Variants in CSMD1 observed in about 807,000 individuals in gnomAD.
CSMD1 encodes CUB and sushi domain-containing protein 1.
In CSMD1, 213 loss-of-function variants were observed where a neutral mutation model predicts 417.5. The observed-to-expected ratio is 0.51, with a 90% confidence interval of 0.46 to 0.57. The LOEUF is 0.57. Among genes scored for constraint, CSMD1 ranks in the 20% least tolerant of loss-of-function variants. CSMD1 has a pLI of 0.00. For synonymous variants in CSMD1, 2,862 were observed against 1,736.8 expected (o/e 1.65, Z -16.11); for missense variants, 6,923 against 4,529.7 (o/e 1.53, Z -15.17).
chr8:4,899,671 T>A (rs1189522847), intron 1 of CSMD1, among the ~76,000 whole-genome samples: 1 of 152,214 alleles, frequency 6.6e-6, no homozygotes, highest in Non-Finnish European at 1.5e-5. Context: ...GACCATGTCT[T>A]GAACAACTCT....
intron 23 of CSMD1, among the ~76,000 whole-genome samples, chr8:3,336,543 T>C (rs1563285084): frequency 6.6e-6 from 1 of 152,244 alleles, no homozygotes; most frequent in East Asian, 1.9e-4. Context: ...AGTGTGGTGG[T>C]TGGGATTGAA....
intron 1 of CSMD1, among the ~76,000 whole-genome samples, chr8:4,887,426 C>T (rs1442848193): frequency 2.0e-5 from 3 of 151,790 alleles, no homozygotes; most frequent in Non-Finnish European, 4.4e-5. Flanking sequence ...AAATGAGAAC[C>T]GAGGTATATT....
chr8:3,670,524 T>C (rs936121699), intron 7 of CSMD1, among the ~76,000 whole-genome samples: 1 of 105,430 alleles, frequency 9.5e-6, no homozygotes, highest in Admixed American at 9.2e-5. Context: ...ATATCCTATA[T>C]ACATATATCC....
At chr8:4,465,374 G>A (rs1800102696) in intron 2 of CSMD1, among the ~76,000 whole-genome samples, 1 of 152,124 alleles carries the variant, frequency 6.6e-6, no homozygotes, top group Non-Finnish European at 1.5e-5. Flanking sequence ...AAAGATAAAT[G>A]AGAAAACATG....
intron 5 of CSMD1, among the ~76,000 whole-genome samples, chr8:3,858,937 G>C (rs1241885922): frequency 1.3e-5 from 2 of 152,150 alleles, no homozygotes; most frequent in South Asian, 2.1e-4. Context: ...GTTGAAGTCA[G>C]TTTCAGCAGT....
intron 5 of CSMD1, among the ~76,000 whole-genome samples, chr8:3,928,549 G>A (rs189951491): frequency 3.7e-5 from 5 of 135,726 alleles, no homozygotes; most frequent in East Asian, 2.1e-4. Context: ...TGTAGGCTTC[G>A]GTACTGTACT....
At chr8:3,843,969 A>G (rs1803310373) in intron 5 of CSMD1, among the ~76,000 whole-genome samples, 1 of 152,144 alleles carries the variant, frequency 6.6e-6, no homozygotes, top group African/African-American at 2.4e-5. Context: ...AACTCAGAAA[A>G]TGTACTCAAA....
At chr8:3,444,677 G>A (rs1024264908) in intron 12 of CSMD1, among the ~76,000 whole-genome samples, 1 of 152,106 alleles carries the variant, frequency 6.6e-6, no homozygotes, top group Non-Finnish European at 1.5e-5. Context: ...ATGGTGATAG[G>A]CCTGAGGCTG....
At chr8:3,004,702 T>A (rs964943661) in intron 52 of CSMD1, among the ~76,000 whole-genome samples, 5 of 152,224 alleles carry the variant, frequency 3.3e-5, no homozygotes, top group African/African-American at 1.2e-4. Context: ...ATTTTCTCCA[T>A]GCTGAGAACA....
At chr8:3,827,541 C>A (rs1180057494) in intron 5 of CSMD1, among the ~76,000 whole-genome samples, 1 of 152,140 alleles carries the variant, frequency 6.6e-6, no homozygotes, top group African/African-American at 2.4e-5. Context: ...CTGTCATATT[C>A]CTGAAATGTT....
At chr8:3,209,303 ATTT>A (rs1797470138) in intron 30 of CSMD1, among the ~76,000 whole-genome samples, 1 of 151,394 alleles carries the variant, frequency 6.6e-6, no homozygotes, top group Non-Finnish European at 1.5e-5. Context: ...TTATTTATTT[ATTT>A]ATTTATTTAT....
intron 20 of CSMD1, among the ~76,000 whole-genome samples, chr8:3,364,981 C>T (rs958240148): frequency 3.9e-5 from 6 of 152,276 alleles, no homozygotes; most frequent in African/African-American, 1.4e-4. Context: ...GAAACACCTG[C>T]AGAAGTGAAC....
intron 5 of CSMD1, among the ~76,000 whole-genome samples, chr8:3,832,392 T>C (rs150104546): frequency 5.5e-4 from 84 of 152,346 alleles, no homozygotes; most frequent in African/African-American, 1.7e-3. Flanking sequence ...ATTTTCTCAA[T>C]TGAATTATTT....
At chr8:4,587,836 C>A (rs1356117157) in intron 2 of CSMD1, among the ~76,000 whole-genome samples, 3 of 152,182 alleles carry the variant, frequency 2.0e-5, no homozygotes, top group Non-Finnish European at 4.4e-5. Context: ...TTCCACAACT[C>A]TGTAACTATA....
At chr8:4,640,216 G>A (rs115458891) in intron 1 of CSMD1, among the ~76,000 whole-genome samples, 5 of 152,270 alleles carry the variant, frequency 3.3e-5, no homozygotes, top group African/African-American at 1.2e-4. Flanking sequence ...TCCATTCATT[G>A]ACATTCCATA....
chr8:3,067,244 T>C (rs1812997025), intron 49 of CSMD1, among the ~76,000 whole-genome samples: 1 of 152,172 alleles, frequency 6.6e-6, no homozygotes. Flanking sequence ...CTGTCTCTTA[T>C]CGTGACGTTT....
At chr8:4,888,050 G>T (rs893333156) in intron 1 of CSMD1, among the ~76,000 whole-genome samples, 3 of 151,690 alleles carry the variant, frequency 2.0e-5, no homozygotes, top group African/African-American at 7.3e-5. Flanking sequence ...CCACTTCTAG[G>T]AATTTACTCT....
intron 1 of CSMD1, among the ~76,000 whole-genome samples, chr8:4,929,090 C>G (rs1047116194): frequency 6.6e-6 from 1 of 151,970 alleles, no homozygotes; most frequent in Non-Finnish European, 1.5e-5. Context: ...CAAAAAAAGG[C>G]CTTTAGGATG....
chr8:3,442,701 G>T (rs888119183), intron 12 of CSMD1, among the ~76,000 whole-genome samples: 2 of 152,142 alleles, frequency 1.3e-5, no homozygotes, highest in Non-Finnish European at 2.9e-5. Flanking sequence ...CCCTGTTGTT[G>T]TTAAGCAATG....
Sources: allele counts gnomAD v4.1 joint callset (sites outside exome capture counted in the v4.1 genomes callset), GRCh38; gene constraint gnomAD v4.1.1; transcripts MANE v1.5; gene names NCBI Gene and HGNC (gene_info 2026-07-23, HGNC 2026-07-21).